EMB: variants seen among roughly 807,000 people sequenced by gnomAD.
The protein encoded by EMB is embigin homolog.
In EMB, 31 loss-of-function variants were observed where a neutral mutation model predicts 41.4. The observed-to-expected ratio is 0.75, with a 90% CI of 0.56 to 1.01. EMB has a LOEUF of 1.01. Ranked by LOEUF, EMB falls within the 50% of genes least tolerant of loss-of-function variation. The probability of loss-of-function intolerance (pLI) is 0.00; values close to 1 mark genes in which losing one functional copy is unlikely to be tolerated. For missense variants in EMB, 379 were observed against 388.3 expected (o/e 0.98, Z 0.20); for synonymous variants, 137 against 140.4 (o/e 0.98, Z 0.17).
intron 2 of EMB, among the ~76,000 whole-genome samples, chr5:50,419,577 C>G (rs1745484009): frequency 1.1e-5 from 1 of 87,856 alleles, no homozygotes; most frequent in Non-Finnish European, 2.4e-5. Flanking sequence ...ACACAGATAA[C>G]TGTATAAAAC....
rs369825741 is a variant in EMB at position 50,411,253 on chromosome 5, T to C, written c.327A>G (p.Gln109=). The change falls in exon 3 of 9, where the codon CAA becomes CAG. Residue 109 remains glutamine (Q), a synonymous_variant. Transcript: ENST00000303221. Reference sequence around the variant, plus strand: ...CACTGACAAGATAATTATTCTCAAGTTGTTCACCATCTTTTTTCCAAGTCA... The same window carrying C: ...CACTGACAAGATAATTATTCTCAAGCTGTTCACCATCTTTTTTCCAAGTCA... ...VNVTWKKDGE[Q]LENNYLVSAT... 1.5e-5 allele frequency: 25 copies of C among 1,613,086 alleles called. No individual in the cohort carries two copies. In the African/African-American group the frequency reaches 3.1e-4, roughly 20 times the overall value.
At position 50,397,266 on chromosome 5, in the gene EMB, T is replaced by C. The variant is rs891922326; in HGVS notation, c.*2007A>G. On this transcript the variant is annotated 3_prime_UTR_variant, in exon 9 of 9. Coordinates refer to ENST00000303221, the MANE Select transcript of EMB (RefSeq NM_198449.3). ...GATTAAAATCCAACAGTGGTAATTTTCTGGAAGTCCTCCAGAGAGACTACA... is the reference window on the plus strand; with the variant it reads ...GATTAAAATCCAACAGTGGTAATTTCCTGGAAGTCCTCCAGAGAGACTACA... 5.3e-5 allele frequency: 8 copies of C among 152,148 alleles called. No homozygotes were observed. Among genetic ancestry groups the C allele is most frequent in the Non-Finnish European group, 1.0e-4 (7 of 68,022 alleles). The allele number at this position is 152,148 out of a possible 1,614,324, so 9.4% of individuals were successfully genotyped here. A position where few individuals can be genotyped will look rare whatever the true frequency, so the allele number is the denominator to read the frequency against.
At position 50,411,268 on chromosome 5, in the gene EMB, T is replaced by A; in HGVS notation, c.312A>T (p.Lys104Asn). The A allele has an allele frequency of 6.2e-7, 1 of 1,613,162 alleles. No homozygotes were observed. The highest frequency in any genetic ancestry group is 1.1e-5 in the South Asian group (1 of 90,992). ...GDLNAVNVTWKKDGEQLENNY... is the reference protein window; with the variant it reads ...GDLNAVNVTWNKDGEQLENNY... ...TATTCTCAAGTTGTTCACCATCTTT[T>A]TTCCAAGTCACATTTACTGCATTCA... is the stretch of plus-strand genomic sequence containing the variant. Residue 104 changes from lysine (K) to asparagine (N), a missense_variant, in exon 3 of 9, where the codon AAA becomes AAT. Coordinates refer to ENST00000303221, the MANE Select transcript of EMB (RefSeq NM_198449.3).
At chr5:50,401,475 TTAATC>T (rs1182105621) in intron 7 of EMB, among the ~76,000 whole-genome samples, 1 of 151,988 alleles carries the variant, frequency 6.6e-6, no homozygotes, top group Non-Finnish European at 1.5e-5. Context: ...TGCAGCAACT[TTAATC>T]TAGCCTCGTT....
At chr5:50,402,805 A>T (rs1332283924) in intron 6 of EMB, among the ~76,000 whole-genome samples, 1 of 146,708 alleles carries the variant, frequency 6.8e-6, no homozygotes, top group Non-Finnish European at 1.5e-5. Flanking sequence ...ATATTAAGCT[A>T]TCATAGATTT....
chr5:50,435,566 G>A (rs1271585221), intron 1 of EMB, among the ~76,000 whole-genome samples: 1 of 152,154 alleles, frequency 6.6e-6, no homozygotes, highest in Non-Finnish European at 1.5e-5. Flanking sequence ...TCTTTGGCAG[G>A]AAGATCATAG....
intron 2 of EMB, among the ~76,000 whole-genome samples, chr5:50,419,179 C>T (rs1355963122): frequency 6.6e-6 from 1 of 152,184 alleles, no homozygotes; most frequent in East Asian, 1.9e-4. Context: ...CATGGCCAGT[C>T]CTGCCCTTTT....
At chr5:50,441,428 A>G, upstream of EMB, 1 of 271,544 alleles carries the variant, frequency 3.7e-6, no homozygotes, top group Non-Finnish European at 6.9e-6. Flanking sequence ...TCCCGGCTGC[A>G]GCCTCTCCGG....
chr5:50,401,982 C>A (rs1050706552), intron 7 of EMB, among the ~76,000 whole-genome samples: 2 of 151,944 alleles, frequency 1.3e-5, no homozygotes, highest in Admixed American at 6.6e-5. Flanking sequence ...GCACCATAAC[C>A]TATGCTATGC....
chr5:50,439,236 A>G (rs999682830), intron 1 of EMB, among the ~76,000 whole-genome samples: 16 of 152,128 alleles, frequency 1.1e-4, no homozygotes. Context: ...CAGAACTGCA[A>G]TACTCTGAGG....
At chr5:50,427,380 A>G (rs1176487479) in intron 2 of EMB, among the ~76,000 whole-genome samples, 1 of 152,104 alleles carries the variant, frequency 6.6e-6, no homozygotes, top group Non-Finnish European at 1.5e-5. Context: ...AAGGCACTAG[A>G]GCAACAACCT....
At chr5:50,432,210 A>G (rs1371786331) in intron 1 of EMB, among the ~76,000 whole-genome samples, 1 of 152,140 alleles carries the variant, frequency 6.6e-6, no homozygotes, top group Non-Finnish European at 1.5e-5. Context: ...ATTCTCTCTA[A>G]AGCCCCCAAA....
Position 50,441,227 on chromosome 5 carries a change from C to A in EMB, c.-76G>T. ...CCGCCGCGGGTGTCCAGAGTCCCTG[C>A]GCACACTCGCAGGTGGCCCGGCGCT... On this transcript the variant is annotated 5_prime_UTR_variant, in exon 1 of 9. Transcript: ENST00000303221. 2.2e-6 allele frequency: 2 copies of A among 899,344 alleles called. No homozygotes were observed. Among genetic ancestry groups the A allele is most frequent in the Non-Finnish European group, 3.0e-6 (2 of 668,500 alleles). 55.7% of individuals were successfully genotyped at this position (899,344 alleles called of 1,614,324 possible).
At chr5:50,425,914 C>T (rs186854438) in intron 2 of EMB, among the ~76,000 whole-genome samples, 1 of 152,150 alleles carries the variant, frequency 6.6e-6, no homozygotes, top group African/African-American at 2.4e-5. Context: ...GAACTCCTGG[C>T]CTCAGGTGAT....
intron 6 of EMB, among the ~76,000 whole-genome samples, chr5:50,402,926 A>C (rs913798857): frequency 2.0e-5 from 3 of 150,520 alleles, no homozygotes; most frequent in Non-Finnish European, 4.4e-5. Flanking sequence ...GAAGAGAAAG[A>C]AAAAAGGCAT....
chr5:50,437,071 G>A (rs1055881094), intron 1 of EMB, among the ~76,000 whole-genome samples: 2 of 152,134 alleles, frequency 1.3e-5, no homozygotes, highest in Non-Finnish European at 2.9e-5. Context: ...AGGAGTTCAA[G>A]GCCAGCCTAG....
chr5:50,429,688 T>TA (rs572039313), intron 1 of EMB, among the ~76,000 whole-genome samples: 2 of 151,926 alleles, frequency 1.3e-5, no homozygotes, highest in African/African-American at 2.4e-5. Flanking sequence ...TAATAATTTT[T>TA]AAAAAAAGAA....
intron 7 of EMB, among the ~76,000 whole-genome samples, chr5:50,401,450 A>C (rs1393165927): frequency 2.6e-5 from 4 of 151,882 alleles, no homozygotes; most frequent in Non-Finnish European, 4.4e-5. Context: ...CAGGCCTTCC[A>C]CTTCTCAGGT....
intron 2 of EMB, among the ~76,000 whole-genome samples, chr5:50,425,795 T>A (rs2111839870): frequency 6.6e-6 from 1 of 151,734 alleles, no homozygotes; most frequent in Non-Finnish European, 1.5e-5. Context: ...GTGATTCTCC[T>A]GCCTCAGCCT....
Sources: allele counts gnomAD v4.1 joint callset (sites outside exome capture counted in the v4.1 genomes callset), GRCh38; gene constraint gnomAD v4.1.1; transcripts MANE v1.5; gene names NCBI Gene and HGNC (gene_info 2026-07-23, HGNC 2026-07-21).